TMC5: variants seen among roughly 807,000 people sequenced by gnomAD.
TMC5 encodes transmembrane channel-like protein 5.
A neutral mutation model predicts 110.5 loss-of-function variants in TMC5; 86 were observed. The ratio of observed to expected loss-of-function variants is 0.78; its 90% confidence interval spans 0.65 to 0.93. The LOEUF (loss-of-function observed/expected upper bound fraction) is 0.93. TMC5 is among the 40% of genes least tolerant of loss of function. TMC5 has a pLI of 0.00. For missense variants in TMC5, 1,144 were observed against 1,222.8 expected, an observed-to-expected ratio of 0.94 and a Z score of 0.96; for synonymous variants, 455 against 439.5, an observed-to-expected ratio of 1.04 and a Z score of -0.44.
At chr16:19,432,293 G>T (rs1338116002) in intron 2 of TMC5, among the ~76,000 whole-genome samples, 1 of 152,172 alleles carries the variant, frequency 6.6e-6, no homozygotes, top group Non-Finnish European at 1.5e-5. Flanking sequence ...GTCATTGCTT[G>T]GGCATGTGAT....
At chr16:19,442,899 A>C (rs911332943) in intron 3 of TMC5, among the ~76,000 whole-genome samples, 14 of 152,170 alleles carry the variant, frequency 9.2e-5, no homozygotes, top group African/African-American at 3.4e-4. Context: ...CCACTGCCTG[A>C]TTCATCATTC....
In TMC5 at chr16:19,467,728, C is replaced by T. The variant is rs541288944; in HGVS notation, c.1637+1495C>T. ...AACTCCTGACCTTAAGTGATCCACC[C>T]GCCTCAGCCTCCCAAAGTGCTGGGA... On this transcript the variant is annotated intron_variant, in intron 9 of 21. Transcript: ENST00000542583. 1.4e-4 allele frequency among the ~76,000 whole-genome samples: 21 copies of T among 152,132 alleles called. No individual in the cohort carries two copies. In the South Asian group the frequency reaches 2.9e-3, roughly 21 times the overall value.
intron 9 of TMC5, among the ~76,000 whole-genome samples, chr16:19,467,066 A>G (rs1254053403): frequency 5.3e-5 from 8 of 152,028 alleles, no homozygotes; most frequent in South Asian, 4.1e-4. Context: ...GAATCACCTG[A>G]GCCCATTAGG....
At chr16:19,447,737 A>G (rs1030106312) in intron 4 of TMC5, among the ~76,000 whole-genome samples, 1 of 152,062 alleles carries the variant, frequency 6.6e-6, no homozygotes, top group East Asian at 1.9e-4. Context: ...TATTTTTTGT[A>G]GAGACAGGGT....
At position 19,494,353 on chromosome 16, in the gene TMC5, GGA is replaced by G. The variant is rs779810741; in HGVS notation, c.2924_2925del (p.Glu975GlyfsTer13). Reference sequence around the variant, plus strand: ...AACCCCAGCTCACTTGTTCTGGAAAGGAGAGAGGTGGAGGTGAGTCTGGAGGC... The same window carrying G: ...AACCCCAGCTCACTTGTTCTGGAAAGGAGAGGTGGAGGTGAGTCTGGAGGC... On this transcript the variant is annotated frameshift_variant, in exon 20 of 22. Transcript: ENST00000542583. LOFTEE classifies it high-confidence loss of function. 3.7e-6 allele frequency: 6 copies of G among 1,613,512 alleles called. No homozygotes were observed. The East Asian group carries it at 1.1e-4, about 30-fold the overall frequency.
intron 3 of TMC5, 92 bp from the exon 4 acceptor site, chr16:19,443,989 A>G (rs1481014744): frequency 6.8e-6 from 8 of 1,182,708 alleles, no homozygotes; most frequent in Non-Finnish European, 8.3e-6. Context: ...GGATGAATAC[A>G]TGATTGAATG....
At chr16:19,487,152 C>T (rs1241209991) in intron 16 of TMC5, 41 bp from the exon 17 acceptor site, 1 of 1,604,138 alleles carries the variant, frequency 6.2e-7, no homozygotes, top group Non-Finnish European at 8.5e-7. Flanking sequence ...TCTGCCGCTG[C>T]TCCGGCTGCA....
chr16:19,485,845 G>A (rs966021803), intron 15 of TMC5, among the ~76,000 whole-genome samples: 4 of 152,176 alleles, frequency 2.6e-5, no homozygotes, highest in East Asian at 1.9e-4. Flanking sequence ...CACGAGCACC[G>A]CGGGAGAGTT....
At chr16:19,439,493 G>A (rs1953236793) in intron 2 of TMC5, among the ~76,000 whole-genome samples, 1 of 152,174 alleles carries the variant, frequency 6.6e-6, no homozygotes, top group Admixed American at 6.5e-5. Context: ...ATGTGTTAAA[G>A]ACCACAAAAA....
At chr16:19,422,054 C>T (rs1288854699) in intron 1 of TMC5, among the ~76,000 whole-genome samples, 1 of 151,730 alleles carries the variant, frequency 6.6e-6, no homozygotes, top group Non-Finnish European at 1.5e-5. Flanking sequence ...CATGGTGAAA[C>T]CCCGTCTCTA....
At chr16:19,480,100 T>G (rs193006746) in intron 14 of TMC5, among the ~76,000 whole-genome samples, 13 of 152,314 alleles carry the variant, frequency 8.5e-5, no homozygotes, top group Admixed American at 8.5e-4. Flanking sequence ...GCTATATAAT[T>G]TTCAAAAGCA....
rs577443988 is a variant in TMC5 at position 19,468,615 on chromosome 16, A to G, written c.1638-1066A>G. On this transcript the variant is annotated intron_variant, in intron 9 of 21. Transcript: ENST00000542583. ...TGGATTATCCCAGTGGGCCCAATGG[A>G]ATCACAAGGGTCTTTATAAGAGGCA... 1.1e-4 allele frequency among the ~76,000 whole-genome samples: 17 copies of G among 152,322 alleles called. No individual in the cohort carries two copies. The South Asian group carries it at 3.3e-3, about 30-fold the overall frequency.
chr16:19,472,392 G>GGCC, intron 11 of TMC5, 149 bp downstream of exon 11: 1 of 867,960 alleles, frequency 1.2e-6, no homozygotes, highest in Non-Finnish European at 1.7e-6. Flanking sequence ...ATGCAGGGGT[G>GGCC]AGGCACAGTG....
intron 5 of TMC5, among the ~76,000 whole-genome samples, chr16:19,457,681 A>G (rs1367974534): frequency 7.6e-6 from 1 of 132,286 alleles, no homozygotes; most frequent in Non-Finnish European, 1.6e-5. Flanking sequence ...GCCCAAATAC[A>G]GGTCTATCTG....
At chr16:19,446,604 AAGACTT>A (rs1444444343) in intron 4 of TMC5, among the ~76,000 whole-genome samples, 1 of 152,218 alleles carries the variant, frequency 6.6e-6, no homozygotes, top group Non-Finnish European at 1.5e-5. Flanking sequence ...TGGGAAAACT[AAGACTT>A]AGAAAGAAAT....
chr16:19,483,248 C>A lies in TMC5; in HGVS notation c.2363+1783C>A, dbSNP rs1451560932. Among the ~76,000 whole-genome samples, 55 of 152,154 alleles carry A rather than the reference C, an allele frequency of 3.6e-4. 1 individual carries two copies. The highest frequency in any genetic ancestry group is 3.6e-3 in the Admixed American group (55 of 15,256). On this transcript the variant is annotated intron_variant, in intron 15 of 21. Transcript: ENST00000542583. ...TCATGGCTCACTGCAGCCTCAACCTCCTGAGCTCAGGCAATCTTCCTGCCT... is the reference window on the plus strand; with the variant it reads ...TCATGGCTCACTGCAGCCTCAACCTACTGAGCTCAGGCAATCTTCCTGCCT...
At chr16:19,462,233 G>A (rs530330787) in intron 6 of TMC5, among the ~76,000 whole-genome samples, 1 of 152,252 alleles carries the variant, frequency 6.6e-6, no homozygotes, top group Admixed American at 6.5e-5. Flanking sequence ...TCTGAGGGCT[G>A]GATCTTTCTC....
chr16:19,473,356 A>AAAAAAAAAAAAC (rs1968397007), intron 11 of TMC5, among the ~76,000 whole-genome samples: 1 of 118,252 alleles, frequency 8.5e-6, no homozygotes, highest in African/African-American at 4.9e-5. Flanking sequence ...AAAAAAAAAA[A>AAAAAAAAAAAAC]AAAAAAAAAA....
chr16:19,419,401 G>GTTTTTT (rs1382651777), intron 1 of TMC5, among the ~76,000 whole-genome samples: 1 of 91,152 alleles, frequency 1.1e-5, no homozygotes, highest in Non-Finnish European at 2.5e-5. Context: ...TGAATGTGTT[G>GTTTTTT]GTTTTTTTTT....
Sources: allele counts gnomAD v4.1 joint callset (sites outside exome capture counted in the v4.1 genomes callset), GRCh38; gene constraint gnomAD v4.1.1; transcripts MANE v1.5; gene names NCBI Gene and HGNC (gene_info 2026-07-23, HGNC 2026-07-21).